NRG1: variants seen among roughly 807,000 people sequenced by gnomAD.
NRG1 encodes neuregulin 1.
In NRG1, 18 loss-of-function variants were observed where a neutral mutation model predicts 63.8. The ratio of observed to expected loss-of-function variants is 0.28; its 90% CI spans 0.19 to 0.42. The LOEUF (loss-of-function observed/expected upper bound fraction) is 0.42, where lower values mean the gene tolerates loss of function less well. Among genes scored for constraint, NRG1 ranks in the 10% least tolerant of loss-of-function variants. The pLI is 1.00. For missense variants in NRG1, 762 were observed against 814.7 expected (o/e 0.94, Z 0.79); for synonymous variants, 302 against 301.3 (o/e 1.00, Z -0.02).
intron 1 of NRG1, among the ~76,000 whole-genome samples, chr8:32,379,848 T>C (rs1810119099): frequency 6.6e-6 from 1 of 152,222 alleles, no homozygotes; most frequent in African/African-American, 2.4e-5. Flanking sequence ...AGTTTCTGTA[T>C]TTTCAAGGAC....
intron 1 of NRG1, among the ~76,000 whole-genome samples, chr8:32,377,176 A>G (rs745909783): frequency 1.3e-5 from 2 of 152,238 alleles, no homozygotes; most frequent in African/African-American, 2.4e-5. Flanking sequence ...GAGTGGCTCA[A>G]TTCACCCAAG....
At chr8:31,676,642 G>A (rs891636361) in intron 1 of NRG1, among the ~76,000 whole-genome samples, 2 of 152,148 alleles carry the variant, frequency 1.3e-5, no homozygotes, top group Non-Finnish European at 2.9e-5. Context: ...CCTTCCAGGG[G>A]TTCTGGTGCA....
At chr8:31,898,258 G>A (rs1478628390) in intron 1 of NRG1, among the ~76,000 whole-genome samples, 1 of 152,088 alleles carries the variant, frequency 6.6e-6, no homozygotes, top group Non-Finnish European at 1.5e-5. Context: ...ATTTGGCTCA[G>A]TCTAAATCTC....
At chr8:32,480,832 A>G (rs570001018) in intron 1 of NRG1, among the ~76,000 whole-genome samples, 7 of 152,126 alleles carry the variant, frequency 4.6e-5, no homozygotes, top group South Asian at 4.1e-4. Flanking sequence ...CAGAGCAAGA[A>G]CTCACTCATT....
chr8:32,201,281 T>C (rs761397663), intron 1 of NRG1, among the ~76,000 whole-genome samples: 1 of 152,190 alleles, frequency 6.6e-6, no homozygotes, highest in Non-Finnish European at 1.5e-5. Context: ...CAGGAGGAAA[T>C]GGAATGGAAG....
intron 1 of NRG1, among the ~76,000 whole-genome samples, chr8:32,262,657 T>C (rs1406717135): frequency 6.6e-6 from 1 of 152,100 alleles, no homozygotes; most frequent in Admixed American, 6.5e-5. Flanking sequence ...TTAAGTTTAA[T>C]AGAAAACAAT....
intron 1 of NRG1, among the ~76,000 whole-genome samples, chr8:31,658,449 A>T (rs1183165195): frequency 6.6e-6 from 1 of 152,100 alleles, no homozygotes; most frequent in Non-Finnish European, 1.5e-5. Context: ...GCACTTAGGC[A>T]GTGGTAAGTG....
At chr8:31,887,613 A>G (rs1181639993) in intron 1 of NRG1, among the ~76,000 whole-genome samples, 1 of 152,118 alleles carries the variant, frequency 6.6e-6, no homozygotes, top group Non-Finnish European at 1.5e-5. Context: ...AACTGGGAGC[A>G]GTCCTAAGGT....
chr8:32,733,824 A>G (rs530432173), intron 6 of NRG1, among the ~76,000 whole-genome samples: 54 of 152,244 alleles, frequency 3.5e-4, no homozygotes, highest in Non-Finnish European at 6.3e-4. Context: ...GAAAGAAAAG[A>G]CTGAAATAAG....
At chr8:32,523,271 T>C (rs888549623) in intron 1 of NRG1, among the ~76,000 whole-genome samples, 2 of 152,194 alleles carry the variant, frequency 1.3e-5, no homozygotes, top group Non-Finnish European at 2.9e-5. Flanking sequence ...TTGCAACAGA[T>C]TGAATGCAGA....
At chr8:32,505,339 A>G (rs1425897090) in intron 1 of NRG1, among the ~76,000 whole-genome samples, 1 of 152,178 alleles carries the variant, frequency 6.6e-6, no homozygotes, top group Non-Finnish European at 1.5e-5. Flanking sequence ...TGATCCTCCC[A>G]TAGGTAGCAA....
At chr8:31,690,540 A>G (rs1226421848) in intron 1 of NRG1, among the ~76,000 whole-genome samples, 1 of 152,152 alleles carries the variant, frequency 6.6e-6, no homozygotes, top group African/African-American at 2.4e-5. Context: ...CAAGATGTTG[A>G]ATACATACTG....
chr8:32,288,993 T>G (rs539067405), intron 1 of NRG1, among the ~76,000 whole-genome samples: 1 of 152,310 alleles, frequency 6.6e-6, no homozygotes, highest in East Asian at 1.9e-4. Context: ...CCACGCAAAC[T>G]GGCTAACTGC....
chr8:32,529,576 T>G (rs1831236349), intron 1 of NRG1, among the ~76,000 whole-genome samples: 1 of 152,334 alleles, frequency 6.6e-6, no homozygotes, highest in Admixed American at 6.5e-5. Flanking sequence ...TTTCTTCATA[T>G]TCTTATTCTA....
intron 1 of NRG1, among the ~76,000 whole-genome samples, chr8:32,264,337 G>T (rs1176430510): frequency 3.3e-5 from 5 of 151,532 alleles, no homozygotes; most frequent in Non-Finnish European, 7.4e-5. Context: ...TTCATTTGAG[G>T]GAAAAAAATT....
At chr8:31,762,964 C>A (rs1817701903) in intron 1 of NRG1, among the ~76,000 whole-genome samples, 1 of 151,976 alleles carries the variant, frequency 6.6e-6, no homozygotes. Context: ...AAAATTAAAC[C>A]CAGTGATATG....
intron 1 of NRG1, among the ~76,000 whole-genome samples, chr8:32,181,390 AT>A (rs1453242759): frequency 8.5e-5 from 13 of 152,120 alleles, no homozygotes; most frequent in Non-Finnish European, 1.3e-4. Flanking sequence ...GTTTTTCTGT[AT>A]TGCTCTCTTC....
intron 1 of NRG1, among the ~76,000 whole-genome samples, chr8:31,940,069 A>G (rs1801524728): frequency 6.6e-6 from 1 of 152,138 alleles, no homozygotes; most frequent in Admixed American, 6.5e-5. Flanking sequence ...ATATTTATAG[A>G]ACATTCTACC....
intron 5 of NRG1, among the ~76,000 whole-genome samples, chr8:32,650,409 GT>G (rs1345781310): frequency 1.3e-5 from 2 of 152,090 alleles, no homozygotes; most frequent in African/African-American, 4.8e-5. Flanking sequence ...GGGGTAGACA[GT>G]TAGTTGGTTA....
Sources: allele counts gnomAD v4.1 joint callset (sites outside exome capture counted in the v4.1 genomes callset), GRCh38; gene constraint gnomAD v4.1.1; transcripts MANE v1.5; gene names NCBI Gene and HGNC (gene_info 2026-07-23, HGNC 2026-07-21).